Variants in TXNRD1 observed in about 807,000 individuals in gnomAD.
The protein encoded by TXNRD1 is thioredoxin reductase 1, also known as thioredoxin reductase 1, cytoplasmic.
Under a neutral mutation model 80.3 loss-of-function variants are expected in TXNRD1, and 57 were observed. That is an observed-to-expected ratio of 0.71 (90% CI 0.57 to 0.89). The LOEUF (loss-of-function observed/expected upper bound fraction) is 0.89, where lower values mean the gene tolerates loss of function less well. Ranked by LOEUF, TXNRD1 falls within the 40% of genes least tolerant of loss-of-function variation. The probability of loss-of-function intolerance (pLI) is 0.00; values close to 1 mark genes in which losing one functional copy is unlikely to be tolerated. For missense variants in TXNRD1, 730 were observed against 803.0 expected, an observed-to-expected ratio of 0.91 and a Z score of 1.10; for synonymous variants, 291 against 285.2, an observed-to-expected ratio of 1.02 and a Z score of -0.20.
chr12:104,335,844 C>A (rs1450557980), intron 15 of TXNRD1, among the ~76,000 whole-genome samples: 1 of 152,164 alleles, frequency 6.6e-6, no homozygotes, highest in East Asian at 1.9e-4. Flanking sequence ...GAAACTACTG[C>A]TTTAGGCAGT....
At chr12:104,314,225 G>T (rs561572745) in intron 6 of TXNRD1, among the ~76,000 whole-genome samples, 14 of 152,288 alleles carry the variant, frequency 9.2e-5, no homozygotes, top group African/African-American at 3.1e-4. Flanking sequence ...ATATAATTTG[G>T]ACTAAATTGG....
In TXNRD1 at chr12:104,298,655, C is replaced by T. The variant is rs529231896; in HGVS notation, c.414+9615C>T. ...AGGAGAATCACTTGAACCCGGGAGG[C>T]GGAGGTTGTAGTGAGCTGAGATCAC... On this transcript the variant is annotated intron_variant, in intron 4 of 16. Transcript: ENST00000525566. 3.6e-3 allele frequency among the ~76,000 whole-genome samples: 546 copies of T among 152,012 alleles called. 4 individuals carry two copies. The highest frequency in any genetic ancestry group is 5.5e-3 in the Non-Finnish European group (375 of 67,990).
At chr12:104,241,456 C>T (rs1336680826) in intron 1 of TXNRD1, among the ~76,000 whole-genome samples, 2 of 151,708 alleles carry the variant, frequency 1.3e-5, no homozygotes, top group African/African-American at 4.8e-5. Context: ...CCGCAAACTT[C>T]GCCTCCCACG....
chr12:104,320,673 C>G (rs1244954440), intron 9 of TXNRD1, among the ~76,000 whole-genome samples: 1 of 151,632 alleles, frequency 6.6e-6, no homozygotes, highest in Non-Finnish European at 1.5e-5. Context: ...CATCCTAGTC[C>G]ACATTCTTGA....
At chr12:104,257,918 A>G in intron 2 of TXNRD1, 101 bp from the exon 3 acceptor site, 1 of 845,544 alleles carries the variant, frequency 1.2e-6, no homozygotes, top group Non-Finnish European at 1.9e-6. Flanking sequence ...TTCAAAGGTG[A>G]AGGCTGGTTG....
chr12:104,252,687 T>C (rs1314869189), intron 2 of TXNRD1, among the ~76,000 whole-genome samples: 2 of 87,034 alleles, frequency 2.3e-5, no homozygotes, highest in Non-Finnish European at 4.3e-5. Context: ...TATATATATA[T>C]ATATTTTTTT....
At chr12:104,262,199 T>C (rs2033381885) in intron 3 of TXNRD1, 1 of 141,780 alleles carries the variant, frequency 7.1e-6, no homozygotes, top group South Asian at 2.2e-4. Context: ...GCCATTGCAC[T>C]TCAGCCTGGG....
At chr12:104,305,551 CGAA>C (rs1346304370) in intron 4 of TXNRD1, among the ~76,000 whole-genome samples, 1 of 151,958 alleles carries the variant, frequency 6.6e-6, no homozygotes, top group Non-Finnish European at 1.5e-5. Flanking sequence ...AGTAGAAACA[CGAA>C]GAAGGAAAAG....
At chr12:104,343,433 C>T (rs138463946) in intron 16 of TXNRD1, among the ~76,000 whole-genome samples, 1 of 152,326 alleles carries the variant, frequency 6.6e-6, no homozygotes, top group East Asian at 1.9e-4. Flanking sequence ...GGGTTGTAAT[C>T]TCACTCAGCC....
At chr12:104,248,721 C>A (rs1347148271) in intron 1 of TXNRD1, among the ~76,000 whole-genome samples, 1 of 152,208 alleles carries the variant, frequency 6.6e-6, no homozygotes, top group Admixed American at 6.5e-5. Context: ...CCACTTACGG[C>A]AGATACTGCA....
At chr12:104,290,366 C>T (rs2034137956) in intron 4 of TXNRD1, among the ~76,000 whole-genome samples, 1 of 151,986 alleles carries the variant, frequency 6.6e-6, no homozygotes, top group Non-Finnish European at 1.5e-5. Flanking sequence ...CTTTAGTTTG[C>T]AGGTAAAAAG....
Position 104,246,313 on chromosome 12 carries a change from A to G in TXNRD1, c.92-5214A>G, listed in dbSNP as rs1397361452. 2.0e-5 allele frequency among the ~76,000 whole-genome samples: 3 copies of G among 148,870 alleles called. No individual in the cohort carries two copies. The East Asian group carries it at 6.0e-4, about 30-fold the overall frequency. On this transcript the variant is annotated intron_variant, in intron 1 of 16. Coordinates refer to ENST00000525566, the MANE Select transcript of TXNRD1 (RefSeq NM_001093771.3). ...CATGGTGGCGGGCGCCTGTAGTCCC[A>G]GCTACTCGGGAGGCTGAGGCAGGAG... is the stretch of plus-strand genomic sequence containing the variant.
At chr12:104,254,644 A>AAAAAAAAAAAAAAAAAAAAAAAAAAT in intron 2 of TXNRD1, among the ~76,000 whole-genome samples, 1 of 93,650 alleles carries the variant, frequency 1.1e-5, no homozygotes, top group Non-Finnish European at 1.9e-5. Flanking sequence ...AAAAAAAAAA[A>AAAAAAAAAAAAAAAAAAAAAAAAAAT]ATATATATAT....
intron 3 of TXNRD1, among the ~76,000 whole-genome samples, chr12:104,277,516 T>C (rs1565874240): frequency 6.6e-6 from 1 of 152,160 alleles, no homozygotes; most frequent in African/African-American, 2.4e-5. Flanking sequence ...TGAGCTATGA[T>C]TGTGCCACTG....
intron 1 of TXNRD1, among the ~76,000 whole-genome samples, chr12:104,238,049 T>G (rs1222432520): frequency 6.6e-6 from 1 of 151,996 alleles, no homozygotes; most frequent in Non-Finnish European, 1.5e-5. Context: ...AAATAAACGC[T>G]TAAATAAAAA....
chr12:104,345,763 T>C (rs1242868063), intron 16 of TXNRD1, among the ~76,000 whole-genome samples: 1 of 152,184 alleles, frequency 6.6e-6, no homozygotes, highest in Non-Finnish European at 1.5e-5. Context: ...TTGTGTTTTT[T>C]GTTTGTTTTT....
intron 3 of TXNRD1, among the ~76,000 whole-genome samples, chr12:104,278,346 G>A (rs1019388486): frequency 2.0e-5 from 3 of 150,598 alleles, no homozygotes; most frequent in African/African-American, 7.3e-5. Flanking sequence ...GACTACAGGC[G>A]CCCACCCCCA....
In TXNRD1 at chr12:104,315,913, C is replaced by T. The variant is rs749236117; in HGVS notation, c.730+17C>T. On this transcript the variant is annotated intron_variant, in intron 7 of 16. Transcript: ENST00000525566. ...AGGAGACAGGTATGAGAGGGAAAAGCTACTCTTCTGTTTGTGCTTTTGGGG... is the reference window on the plus strand; with the variant it reads ...AGGAGACAGGTATGAGAGGGAAAAGTTACTCTTCTGTTTGTGCTTTTGGGG... 1 of 1,603,170 alleles carries T rather than the reference C, an allele frequency of 6.2e-7. No homozygotes were observed. The highest frequency in any genetic ancestry group is 1.1e-5 in the South Asian group (1 of 90,076).
At chr12:104,322,173 C>G (rs2035555041) in intron 10 of TXNRD1, among the ~76,000 whole-genome samples, 1 of 151,868 alleles carries the variant, frequency 6.6e-6, no homozygotes, top group Non-Finnish European at 1.5e-5. Context: ...GAACCCGTTT[C>G]TTCTGTAAAA....
Sources: allele counts gnomAD v4.1 joint callset (sites outside exome capture counted in the v4.1 genomes callset), GRCh38; gene constraint gnomAD v4.1.1; transcripts MANE v1.5; gene names NCBI Gene and HGNC (gene_info 2026-07-23, HGNC 2026-07-21).